The following DMD variants were observed in gnomAD, a reference collection of about 807,000 sequenced individuals.
The protein encoded by DMD is mutant dystrophin.
DMD carries 63 observed loss-of-function variants against 330.1 expected under a neutral mutation model. The observed-to-expected ratio is 0.19, with a 90% CI of 0.16 to 0.24. The LOEUF is 0.24. Among genes scored for constraint, DMD ranks in the 10% least tolerant of loss-of-function variants. The pLI, the probability that DMD is intolerant of heterozygous loss-of-function variation, is 1.00. For synonymous variants in DMD, 1,223 were observed against 959.8 expected, an observed-to-expected ratio of 1.27 and a Z score of -5.07; for missense variants, 3,344 against 2,684.1, an observed-to-expected ratio of 1.25 and a Z score of -5.43.
chrX:32,639,838 A>G (rs1157662066), intron 11 of DMD, among the ~76,000 whole-genome samples: 5 of 110,920 alleles, frequency 4.5e-5, no homozygotes, highest in African/African-American at 1.6e-4. Context: ...CAAAATAACC[A>G]CAGCTATACT....
intron 29 of DMD, among the ~76,000 whole-genome samples, chrX:32,428,343 T>C (rs1261229616): frequency 8.9e-6 from 1 of 112,018 alleles, no homozygotes; most frequent in East Asian, 2.8e-4. Context: ...TTTAAGAGTA[T>C]TTCCCTAATA....
At chrX:32,093,116 T>C (rs2096486633) in intron 44 of DMD, among the ~76,000 whole-genome samples, 1 of 112,388 alleles carries the variant, frequency 8.9e-6, no homozygotes, top group Non-Finnish European at 1.9e-5. Context: ...TTTCTTACTT[T>C]AATAGTCACT....
In DMD at chrX:32,484,907, C is replaced by T. The variant is rs1347389657; in HGVS notation, c.2803+12G>A. 1 of 1,209,370 alleles carries T rather than the reference C, an allele frequency of 8.3e-7. No individual in the cohort carries two copies. The highest frequency in any genetic ancestry group is 1.7e-5 in the African/African-American group (1 of 57,787). On this transcript the variant is annotated intron_variant, in intron 21 of 78. Coordinates refer to ENST00000357033, the MANE Select transcript of DMD (RefSeq NM_004006.3). ...AAAATGTCAAGTTAGCCATTTTAGG[C>T]TTTTTACTTACTTGTCTGTAGCTCT...
At chrX:32,621,505 A>C (rs1168569580) in intron 11 of DMD, among the ~76,000 whole-genome samples, 1 of 108,838 alleles carries the variant, frequency 9.2e-6, no homozygotes, top group Admixed American at 9.8e-5. Context: ...TTTTCTCTTA[A>C]TAGAGACAAG....
intron 7 of DMD, among the ~76,000 whole-genome samples, chrX:32,732,300 A>C (rs2067796176): frequency 9.0e-6 from 1 of 111,388 alleles, no homozygotes; most frequent in African/African-American, 3.3e-5. Context: ...TGTACCTGAA[A>C]GTGATGGGGA....
intron 44 of DMD, among the ~76,000 whole-genome samples, chrX:32,060,873 T>C (rs1247322683): frequency 1.8e-5 from 2 of 111,083 alleles, no homozygotes; most frequent in African/African-American, 6.5e-5. Context: ...TGAAAAGAAG[T>C]TGGTCTGGGT....
intron 41 of DMD, among the ~76,000 whole-genome samples, chrX:32,333,844 C>A (rs2097692556): frequency 1.8e-5 from 2 of 111,722 alleles, no homozygotes; most frequent in Non-Finnish European, 1.9e-5. Context: ...TTCTTCCTAG[C>A]CATTAGGCTC....
At chrX:31,673,024 T>C (rs2081892631) in intron 53 of DMD, among the ~76,000 whole-genome samples, 1 of 112,359 alleles carries the variant, frequency 8.9e-6, no homozygotes, top group Admixed American at 9.4e-5. Context: ...GGCAAGGCCA[T>C]GTATATAGGT....
At position 32,335,804 on chromosome X, in the gene DMD, CGT is replaced by C. The variant is rs1491517607; in HGVS notation, c.5922+6294_5922+6295del. Among the ~76,000 whole-genome samples, 128 of 102,347 alleles carry C rather than the reference CGT, an allele frequency of 1.3e-3. 1 individual carries two copies. The highest frequency in any genetic ancestry group is 2.2e-3 in the Non-Finnish European group (112 of 50,816). 88.9% of individuals were successfully genotyped at this position (102,347 alleles called of 115,157 possible). On this transcript the variant is annotated intron_variant, in intron 41 of 78. Transcript: ENST00000357033. ...TATGTATAACATGTTATATATAACA[CGT>C]GTATATATGTATAACATGTTATATA...
chrX:32,805,997 C>T lies in DMD; in HGVS notation c.649+3496G>A, dbSNP rs762303556. On this transcript the variant is annotated intron_variant, in intron 7 of 78. Transcript: ENST00000357033. ...CAGAAGCATACCAAATTGTAAACACCATCGACACCATGAAGAAACTGCATC... is the reference window on the plus strand; with the variant it reads ...CAGAAGCATACCAAATTGTAAACACTATCGACACCATGAAGAAACTGCATC... Among the ~76,000 whole-genome samples the T allele has an allele frequency of 1.3e-4, 15 of 111,771 alleles. No homozygotes were observed. The South Asian group carries it at 5.6e-3, about 42-fold the overall frequency.
chrX:31,261,193 C>T (rs1169260834), intron 62 of DMD, 177 bp from the exon 63 acceptor site: 1 of 435,809 alleles, frequency 2.3e-6, no homozygotes, highest in African/African-American at 2.5e-5. Flanking sequence ...AGCAGAAAGG[C>T]CCCTTTCTGC....
intron 44 of DMD, among the ~76,000 whole-genome samples, chrX:32,092,065 C>G (rs2096478697): frequency 8.9e-6 from 1 of 111,945 alleles, no homozygotes. Context: ...GCATCCCTGA[C>G]AGACTGGCTC....
intron 51 of DMD, among the ~76,000 whole-genome samples, chrX:31,734,044 T>A (rs1193268431): frequency 9.0e-6 from 1 of 111,272 alleles, no homozygotes; most frequent in Non-Finnish European, 1.9e-5. Flanking sequence ...ATAAGATGCA[T>A]TTTATTTTTA....
At chrX:31,762,650 G>T (rs996257256) in intron 51 of DMD, among the ~76,000 whole-genome samples, 3 of 111,879 alleles carry the variant, frequency 2.7e-5, no homozygotes, top group Non-Finnish European at 5.6e-5. Context: ...AAAAAGTTGG[G>T]ACATACGGTT....
At chrX:32,279,951 T>G (rs1251609757) in intron 43 of DMD, among the ~76,000 whole-genome samples, 1 of 100,520 alleles carries the variant, frequency 9.9e-6, no homozygotes, top group East Asian at 3.2e-4. Context: ...TATATACACA[T>G]ATATATGTGT....
At chrX:31,266,218 C>A (rs748345841) in intron 62 of DMD, among the ~76,000 whole-genome samples, 1 of 95,041 alleles carries the variant, frequency 1.1e-5, no homozygotes, top group Non-Finnish European at 2.0e-5. Context: ...CCCCTGAAAT[C>A]TTTGACTTCT....
At chrX:32,627,418 G>A (rs1196712676) in intron 11 of DMD, among the ~76,000 whole-genome samples, 1 of 104,707 alleles carries the variant, frequency 9.6e-6, no homozygotes, top group Non-Finnish European at 1.9e-5. Context: ...GAGTAATTTT[G>A]ATCTTGTAGA....
intron 47 of DMD, among the ~76,000 whole-genome samples, chrX:31,906,308 G>A (rs901650181): frequency 6.3e-5 from 7 of 111,958 alleles, no homozygotes; most frequent in Non-Finnish European, 1.3e-4. Context: ...CCAGTCTCAG[G>A]TATGTCTTTA....
In DMD at chrX:31,232,105, A is replaced by G. The variant is rs988995075; in HGVS notation, c.9287-8984T>C. Among the ~76,000 whole-genome samples the G allele has an allele frequency of 2.4e-3, 246 of 104,282 alleles. 3 individuals are homozygous for G. The highest frequency in any genetic ancestry group is 8.2e-3 in the African/African-American group (228 of 27,645). 90.6% of individuals were successfully genotyped at this position (104,282 alleles called of 115,157 possible). A position where few individuals can be genotyped will look rare whatever the true frequency, so the allele number is the denominator to read the frequency against. On this transcript the variant is annotated intron_variant, in intron 63 of 78. Transcript: ENST00000357033. ...TTAAAAAAAAAAAAAAAAAAAAAAA[A>G]AAGCTCTGAAGCAGAGAAGAAGGTG...
Sources: allele counts gnomAD v4.1 joint callset (sites outside exome capture counted in the v4.1 genomes callset), GRCh38; gene constraint gnomAD v4.1.1; transcripts MANE v1.5; gene names NCBI Gene and HGNC (gene_info 2026-07-23, HGNC 2026-07-21).